UBE2V2: variants seen among roughly 807,000 people sequenced by gnomAD.
UBE2V2 encodes ubiquitin-conjugating enzyme E2 variant 2.
UBE2V2 carries 9 observed loss-of-function variants against 17.2 expected under a neutral mutation model. That is an observed-to-expected ratio of 0.52 (90% CI 0.32 to 0.91). The LOEUF (loss-of-function observed/expected upper bound fraction) is 0.91. UBE2V2 is among the 40% of genes least tolerant of loss of function. UBE2V2 has a pLI of 0.04. For missense variants in UBE2V2, 133 were observed against 182.6 expected (o/e 0.73, Z 1.56); for synonymous variants, 61 against 57.5 (o/e 1.06, Z -0.28).
chr8:48,039,919 G>A (rs939278214), intron 1 of UBE2V2, among the ~76,000 whole-genome samples: 17 of 151,888 alleles, frequency 1.1e-4, no homozygotes, highest in African/African-American at 3.9e-4. Context: ...TTGTAGAGAT[G>A]GGGTCTTGCC....
chr8:48,023,416 A>G (rs865823387), intron 1 of UBE2V2, among the ~76,000 whole-genome samples: 21 of 151,108 alleles, frequency 1.4e-4, no homozygotes, highest in African/African-American at 5.1e-4. Flanking sequence ...GGGTTTCACC[A>G]TGTTTGCCAG....
chr8:48,009,462 T>G (rs2091212861), intron 1 of UBE2V2, among the ~76,000 whole-genome samples: 1 of 151,974 alleles, frequency 6.6e-6, no homozygotes, highest in South Asian at 2.1e-4. Context: ...GACGGGGTTT[T>G]GTCATGTTGG....
intron 3 of UBE2V2, among the ~76,000 whole-genome samples, chr8:48,051,690 T>C (rs2091539709): frequency 6.6e-6 from 1 of 152,304 alleles, no homozygotes; most frequent in Non-Finnish European, 1.5e-5. Flanking sequence ...GGCAACAAGT[T>C]GAATCTTGGA....
At chr8:48,015,921 G>A (rs1210671669) in intron 1 of UBE2V2, among the ~76,000 whole-genome samples, 9 of 135,696 alleles carry the variant, frequency 6.6e-5, no homozygotes, top group Admixed American at 1.6e-4. Context: ...TTTTTGAGAC[G>A]GAGTCTCACT....
Position 48,029,879 on chromosome 8 carries a change from G to A in UBE2V2, c.17-13154G>A, listed in dbSNP as rs144112548. Among the ~76,000 whole-genome samples the A allele has an allele frequency of 5.3e-5, 8 of 152,314 alleles. No homozygotes were observed. The East Asian group carries it at 1.5e-3, about 29-fold the overall frequency. ...CCAGCTACAGCTTCCTGGACTCACA[G>A]GTGAGCAGTTATGCCCATTTAATAG... On this transcript the variant is annotated intron_variant, in intron 1 of 3. Transcript: ENST00000523111.
chr8:48,006,348 C>G (rs1017136900), upstream of UBE2V2, among the ~76,000 whole-genome samples: 1 of 152,084 alleles, frequency 6.6e-6, no homozygotes. Context: ...ATTTCTGAGG[C>G]CTCTGTTCTG....
chr8:48,046,574 C>A (rs1315421403), intron 2 of UBE2V2, among the ~76,000 whole-genome samples: 1 of 152,098 alleles, frequency 6.6e-6, no homozygotes, highest in African/African-American at 2.4e-5. Context: ...AGACTTTTAA[C>A]ATGTTACATG....
chr8:48,037,577 CCTT>C (rs1220402851), intron 1 of UBE2V2, among the ~76,000 whole-genome samples: 2 of 152,196 alleles, frequency 1.3e-5, no homozygotes, highest in African/African-American at 4.8e-5. Flanking sequence ...GTTACCTCCT[CCTT>C]CTTACGCTTC....
At chr8:48,013,465 G>A (rs1318016399) in intron 1 of UBE2V2, among the ~76,000 whole-genome samples, 1 of 151,950 alleles carries the variant, frequency 6.6e-6, no homozygotes, top group South Asian at 2.1e-4. Flanking sequence ...CTGCCACCAT[G>A]CCCGGTTAAT....
chr8:48,018,942 T>G (rs1294460350), intron 1 of UBE2V2, among the ~76,000 whole-genome samples: 2 of 152,136 alleles, frequency 1.3e-5, no homozygotes, highest in Non-Finnish European at 2.9e-5. Context: ...AAATCTATTT[T>G]ATTGGGGGCC....
rs1279558386 is a variant in UBE2V2, at chr8:48,062,725, CT to C, written c.*1898del. 2.0e-5 allele frequency: 3 copies of C among 152,268 alleles called. No individual in the cohort carries two copies. The highest frequency in any genetic ancestry group is 7.2e-5 in the African/African-American group (3 of 41,556). The allele number at this position is 152,268 out of a possible 1,614,324, so 9.4% of individuals were successfully genotyped here. Reference sequence around the variant, plus strand: ...GCTCATATAAAGTTAAAGCTTTGAGCTACCTTTTCTTGGCCAATAAAGTCAC... The same window carrying C: ...GCTCATATAAAGTTAAAGCTTTGAGCACCTTTTCTTGGCCAATAAAGTCAC... On this transcript the variant is annotated 3_prime_UTR_variant, in exon 4 of 4. Transcript: ENST00000523111.
At chr8:48,030,939 T>C (rs556372307) in intron 1 of UBE2V2, among the ~76,000 whole-genome samples, 18 of 152,294 alleles carry the variant, frequency 1.2e-4, no homozygotes, top group Admixed American at 2.0e-4. Context: ...GGAGAATCTC[T>C]TGAACCTGGG....
rs548495820 is a variant in UBE2V2, at chr8:48,020,056, T to G, written c.16+11586T>G. ...TCTCTCTCTGTCTCTCTTTTTTTTT[T>G]TTTTTGAGACAAGGTCTCCCTATCT... is the stretch of plus-strand genomic sequence containing the variant. On this transcript the variant is annotated intron_variant, in intron 1 of 3. Coordinates refer to ENST00000523111, the MANE Select transcript of UBE2V2 (RefSeq NM_003350.3). 1.2e-4 allele frequency among the ~76,000 whole-genome samples: 19 copies of G among 152,106 alleles called. No homozygotes were observed. The South Asian group carries it at 3.9e-3, about 32-fold the overall frequency.
intron 1 of UBE2V2, among the ~76,000 whole-genome samples, chr8:48,034,428 T>G (rs1437124815): frequency 2.0e-5 from 3 of 152,150 alleles, no homozygotes; most frequent in Non-Finnish European, 2.9e-5. Context: ...CTTGCCCTGT[T>G]TTCTTTTTTT....
intron 1 of UBE2V2, among the ~76,000 whole-genome samples, chr8:48,038,458 G>A (rs1040094806): frequency 6.6e-6 from 1 of 151,910 alleles, no homozygotes; most frequent in African/African-American, 2.4e-5. Context: ...TGGGACTACA[G>A]GTGCGCACCA....
intron 1 of UBE2V2, among the ~76,000 whole-genome samples, chr8:48,028,536 C>T (rs1263522654): frequency 6.6e-6 from 1 of 152,102 alleles, no homozygotes; most frequent in Non-Finnish European, 1.5e-5. Flanking sequence ...TGGGGTTTCA[C>T]CATGTTGGTC....
At chr8:48,045,642 C>T (rs2091493801) in intron 2 of UBE2V2, among the ~76,000 whole-genome samples, 2 of 152,112 alleles carry the variant, frequency 1.3e-5, no homozygotes, top group Admixed American at 1.3e-4. Flanking sequence ...ATAGTATGTC[C>T]TGAACCTCAT....
At chr8:48,037,440 G>T (rs72633911) in intron 1 of UBE2V2, among the ~76,000 whole-genome samples, 21,992 of 152,216 alleles carry the variant, frequency 0.14, 2,536 homozygotes, top group African/African-American at 0.3. Flanking sequence ...AGATATATTG[G>T]GGTAGACAAA....
At chr8:48,033,441 C>T (rs45459499) in intron 1 of UBE2V2, among the ~76,000 whole-genome samples, 1 of 152,216 alleles carries the variant, frequency 6.6e-6, no homozygotes, top group East Asian at 1.9e-4. Context: ...CTGCCTTGGC[C>T]TCCCAAAGTG....
Sources: gnomAD v4.1 joint callset for allele counts (sites outside exome capture counted in the v4.1 genomes callset) on GRCh38, gnomAD v4.1.1 for gene constraint, MANE v1.5 for transcripts, NCBI Gene and HGNC (gene_info 2026-07-23, HGNC 2026-07-21) for gene names.